The following PARVB variants were observed in gnomAD, a reference collection of about 807,000 sequenced individuals.
PARVB encodes the protein beta-parvin.
In PARVB, 46 loss-of-function variants were observed where a neutral mutation model predicts 47.0. The observed-to-expected ratio is 0.98, with a 90% CI of 0.77 to 1.25. The LOEUF (loss-of-function observed/expected upper bound fraction) is 1.25, where lower values mean the gene tolerates loss of function less well. Ranked by LOEUF, PARVB falls within the 50% of genes most tolerant of loss-of-function variation. The pLI is 0.00. For missense variants in PARVB, 473 were observed against 471.6 expected (o/e 1.00, Z -0.03); for synonymous variants, 196 against 196.3 (o/e 1.00, Z 0.01).
At chr22:44,099,289 C>T (rs368787799) in intron 2 of PARVB, among the ~76,000 whole-genome samples, 6 of 152,160 alleles carry the variant, frequency 3.9e-5, no homozygotes, top group African/African-American at 9.7e-5. Flanking sequence ...GCTCGGCGCC[C>T]GCTGGCTTCT....
chr22:44,008,854 G>T (rs2050494463), intron 2 of PARVB, among the ~76,000 whole-genome samples: 1 of 151,990 alleles, frequency 6.6e-6, no homozygotes, highest in Non-Finnish European at 1.5e-5. Context: ...CTGGGTGTGG[G>T]GGTGGGTGCC....
At chr22:44,086,911 C>T (rs898826734) in intron 1 of PARVB, 2 of 852,296 alleles carry the variant, frequency 2.3e-6, no homozygotes, top group Non-Finnish European at 1.4e-6. Context: ...CTTTGGGTTC[C>T]TGCTTAAGCC....
rs141490846 is a variant in PARVB at position 44,041,119 on chromosome 22, A to G, written c.112+16668A>G. 8.8e-3 allele frequency among the ~76,000 whole-genome samples: 1,346 copies of G among 152,306 alleles called. 16 individuals carry two copies. The highest frequency in any genetic ancestry group is 0.026 in the African/African-American group (1,096 of 41,572). On this transcript the variant is annotated intron_variant, in intron 1 of 12. Coordinates refer to ENST00000338758, the MANE Select transcript of PARVB (RefSeq NM_013327.5). ...GATGGATTGCTGGATAGATAGAGGG[A>G]TGGACGGATGTGGAATAAAACAAGT...
chr22:44,015,730 A>C (rs2050569831), intron 2 of PARVB, among the ~76,000 whole-genome samples: 1 of 152,326 alleles, frequency 6.6e-6, no homozygotes, highest in South Asian at 2.1e-4. Flanking sequence ...GAAGCAGGAT[A>C]ATCATTTGAA....
At chr22:44,091,520 C>A (rs181607491) in intron 1 of PARVB, among the ~76,000 whole-genome samples, 97 of 152,256 alleles carry the variant, frequency 6.4e-4, no homozygotes, top group Admixed American at 3.3e-4. Flanking sequence ...AGACTGCTTT[C>A]TCCTCTATGC....
chr22:44,100,019 A>G (rs374770526), intron 2 of PARVB, 34 bp from the exon 3 acceptor site: 4 of 1,591,592 alleles, frequency 2.5e-6, no homozygotes, highest in African/African-American at 2.7e-5. Context: ...CACCCCCACA[A>G]TCGCTGACCG....
At chr22:44,085,528 T>C (rs2052004470) in intron 1 of PARVB, among the ~76,000 whole-genome samples, 1 of 152,184 alleles carries the variant, frequency 6.6e-6, no homozygotes, top group African/African-American at 2.4e-5. Context: ...GGTCTCGAAC[T>C]CCTGAGCTCA....
intron 8 of PARVB, 86 bp from the exon 9 acceptor site, chr22:44,147,775 G>A (rs770812199): frequency 7.5e-6 from 8 of 1,065,350 alleles, no homozygotes; most frequent in Non-Finnish European, 5.9e-6. Context: ...CCTCCTGAGG[G>A]ATCAGAAGCT....
At chr22:44,140,798 T>G (rs2053536444) in intron 8 of PARVB, 2 of 296,998 alleles carry the variant, frequency 6.7e-6, no homozygotes, top group African/African-American at 2.2e-5. Context: ...AGTGTTGGTT[T>G]TCAGTGGCTC....
chr22:44,168,512 G>T (rs1601716092), intron 12 of PARVB, 90 bp from the exon 13 acceptor site: 2 of 838,878 alleles, frequency 2.4e-6, no homozygotes, highest in Admixed American at 3.5e-5. Context: ...GCGGCAGCTG[G>T]TGTCATGCTG....
intron 11 of PARVB, among the ~76,000 whole-genome samples, chr22:44,163,061 C>G (rs2054087261): frequency 6.6e-6 from 1 of 152,360 alleles, no homozygotes; most frequent in African/African-American, 2.4e-5. Flanking sequence ...CCCCATCCTG[C>G]AGAGACACAG....
chr22:44,114,928 T>C (rs367548974), intron 3 of PARVB: 544 of 56,556 alleles, frequency 9.6e-3, no homozygotes, highest in Middle Eastern at 0.054. Context: ...AACACAGATA[T>C]ATTGTTACTA....
intron 3 of PARVB, among the ~76,000 whole-genome samples, chr22:44,117,569 G>A (rs1255625535): frequency 2.0e-5 from 3 of 152,178 alleles, no homozygotes; most frequent in African/African-American, 7.2e-5. Flanking sequence ...AATGCCACAG[G>A]GCCATGCACC....
rs1272769100 is a variant in PARVB at position 44,049,288 on chromosome 22, A to G, written c.112+24837A>G. 4.6e-5 allele frequency among the ~76,000 whole-genome samples: 7 copies of G among 152,068 alleles called. No individual in the cohort carries two copies. Among genetic ancestry groups the G allele is most frequent in the Admixed American group, 4.6e-4 (7 of 15,272 alleles). ...GCTGGTGTCAGAATGAACAATACCC[A>G]TAGTGCTTGGCGTAGACAATCAGCA... On this transcript the variant is annotated intron_variant, in intron 1 of 12. Coordinates refer to ENST00000338758, the MANE Select transcript of PARVB (RefSeq NM_013327.5). The surrounding 1 kb of genome is among the most constrained non-coding windows in gnomAD (Gnocchi z 4.0).
chr22:44,122,500 GAGAGAGAGAGAGAGAGAGAC>G (rs1569134118), intron 4 of PARVB, among the ~76,000 whole-genome samples: 116 of 88,786 alleles, frequency 1.3e-3, no homozygotes, highest in African/African-American at 8.2e-3. Context: ...GAGAGAGAGA[GAGAGAGAGAGAGAGAGAGAC>G]AGAGAGACAG....
intron 1 of PARVB, among the ~76,000 whole-genome samples, chr22:44,024,974 T>G (rs907293926): frequency 1.3e-5 from 2 of 152,142 alleles, no homozygotes; most frequent in South Asian, 4.1e-4. Flanking sequence ...AAAATTTTTT[T>G]TTTTAAATTT....
At chr22:44,033,311 G>T (rs756690321) in intron 1 of PARVB, among the ~76,000 whole-genome samples, 1 of 152,120 alleles carries the variant, frequency 6.6e-6, no homozygotes, top group African/African-American at 2.4e-5. Flanking sequence ...CAAAGTGCTG[G>T]GATTACAGGA....
chr22:44,066,822 C>CCTCCTCCTCCTCCTCCTT, intron 1 of PARVB, among the ~76,000 whole-genome samples: 1 of 116,134 alleles, frequency 8.6e-6, no homozygotes, highest in South Asian at 2.4e-4. Context: ...TCCTCCTCCT[C>CCTCCTCCTCCTCCTCCTT]TTCCTCCTCC....
In PARVB at chr22:44,029,624, A is replaced by G. The variant is rs1487424275; in HGVS notation, c.112+5173A>G. Among the ~76,000 whole-genome samples the G allele has an allele frequency of 2.0e-5, 3 of 152,028 alleles. No homozygotes were observed. In the East Asian group the frequency reaches 5.8e-4, roughly 29 times the overall value. The stretch of plus-strand genomic sequence containing the variant: ...AACCCGGTCTCTACTAAAAATAGAA[A>G]AATTAGCCAGGCGTGGTGGCTCACG... On this transcript the variant is annotated intron_variant, in intron 1 of 12. Transcript: ENST00000338758.
Sources: gnomAD v4.1 joint callset for allele counts (sites outside exome capture counted in the v4.1 genomes callset) on GRCh38, gnomAD v4.1.1 for gene constraint, Gnocchi (gnomAD v3.1) non-coding constraint, MANE v1.5 for transcripts, NCBI Gene and HGNC (gene_info 2026-07-23, HGNC 2026-07-21) for gene names.